Variants in CNGB1 observed in about 807,000 individuals in gnomAD.
CNGB1 encodes cyclic nucleotide-gated channel beta-1.
CNGB1 carries 126 observed loss-of-function variants against 151.7 expected under a neutral mutation model. The observed-to-expected ratio is 0.83, with a 90% CI of 0.72 to 0.96. The LOEUF (loss-of-function observed/expected upper bound fraction) is 0.96. Among genes scored for constraint, CNGB1 ranks in the 40% least tolerant of loss-of-function variants. The probability of loss-of-function intolerance (pLI) is 0.00; values close to 1 mark genes in which losing one functional copy is unlikely to be tolerated. For synonymous variants in CNGB1, 623 were observed against 635.1 expected (o/e 0.98, Z 0.29); for missense variants, 1,698 against 1,627.0 (o/e 1.04, Z -0.75).
chr16:57,945,024 A>T (rs986452456), intron 14 of CNGB1, among the ~76,000 whole-genome samples: 1 of 151,958 alleles, frequency 6.6e-6, no homozygotes, highest in Admixed American at 6.6e-5. Context: ...GGAAAAAAAA[A>T]CTCAAATCTC....
rs572844407 is a variant in CNGB1 at position 57,949,836 on chromosome 16, A to G, written c.1035-397T>C. Among the ~76,000 whole-genome samples the G allele has an allele frequency of 1.6e-4, 24 of 152,344 alleles. No homozygotes were observed. The East Asian group carries it at 4.4e-3, about 28-fold the overall frequency. On this transcript the variant is annotated intron_variant, in intron 13 of 32. Coordinates refer to ENST00000251102, the MANE Select transcript of CNGB1 (RefSeq NM_001297.5). ...TTGGCAATCATGACCACAATTCCAC[A>G]TTCCCATGACCAATGACCCAGCAAT...
At chr16:57,928,698 C>T (rs1397589702) in intron 17 of CNGB1, among the ~76,000 whole-genome samples, 1 of 152,146 alleles carries the variant, frequency 6.6e-6, no homozygotes, top group East Asian at 1.9e-4. Context: ...AATGCAATGG[C>T]ATGATCTTGG....
intron 2 of CNGB1, 92 bp downstream of exon 2, chr16:57,967,036 G>A: frequency 1.3e-6 from 2 of 1,575,736 alleles, no homozygotes; most frequent in Non-Finnish European, 1.7e-6. Context: ...AACCTTTTCT[G>A]CTGTAGAAAG....
chr16:57,934,085 A>G (rs1961439387), intron 16 of CNGB1, among the ~76,000 whole-genome samples: 2 of 152,010 alleles, frequency 1.3e-5, no homozygotes, highest in Admixed American at 6.6e-5. Context: ...AATTGCTTAC[A>G]CTTACTCTAT....
At chr16:57,949,231 G>A (rs1404728846) in intron 14 of CNGB1, 122 bp downstream of exon 14, 14 of 1,566,016 alleles carry the variant, frequency 8.9e-6, no homozygotes, top group South Asian at 1.1e-5. Context: ...TCAAAGCCCA[G>A]CCTTACACAG....
At chr16:57,917,553 GT>G in intron 20 of CNGB1, 77 bp from the exon 21 acceptor site, 1 of 1,428,336 alleles carries the variant, frequency 7.0e-7, no homozygotes, top group East Asian at 2.3e-5. Context: ...GTAGGGTTTT[GT>G]TCTTTCTACT....
intron 16 of CNGB1, among the ~76,000 whole-genome samples, chr16:57,936,013 C>T (rs570053106): frequency 2.6e-5 from 4 of 152,276 alleles, no homozygotes; most frequent in African/African-American, 9.6e-5. Flanking sequence ...TGCACCGTGT[C>T]AACCACAAAT....
chr16:57,944,134 T>A (rs1961742222), intron 14 of CNGB1, among the ~76,000 whole-genome samples: 2 of 152,070 alleles, frequency 1.3e-5, no homozygotes, highest in Admixed American at 6.6e-5. Context: ...GTGATCCACC[T>A]GCCTCAGCCT....
At chr16:57,958,944 T>A (rs2149385908) in intron 10 of CNGB1, among the ~76,000 whole-genome samples, 1 of 145,434 alleles carries the variant, frequency 6.9e-6, no homozygotes, top group South Asian at 2.2e-4. Context: ...TTTTTTTTAA[T>A]TTTTTGTAGA....
At chr16:57,897,995 G>A in intron 29 of CNGB1, 81 bp from the exon 30 acceptor site, 3 of 1,467,668 alleles carry the variant, frequency 2.0e-6, no homozygotes, top group Admixed American at 1.7e-5. Context: ...CCAGAGGCTG[G>A]AGGTCCGGCA....
At position 57,967,143 on chromosome 16, in the gene CNGB1, T is replaced by A; in HGVS notation, c.144A>T (p.Thr48=). 6.2e-7 allele frequency: 1 copy of A among 1,614,224 alleles called. No homozygotes were observed. Among genetic ancestry groups the A allele is most frequent in the African/African-American group, 1.3e-5 (1 of 75,056 alleles). ...TACCTCTCACCATGGACTCGGACTCTGTCTCGGCCTCCTCAGGATTCGGTT... is the reference window on the plus strand; with the variant it reads ...TACCTCTCACCATGGACTCGGACTCAGTCTCGGCCTCCTCAGGATTCGGTT... ...EPEPNPEEAE[T]ESESMPPEES... The change falls in exon 2 of 33, where the codon ACA becomes ACT. Residue 48 remains threonine (T), a synonymous_variant. Transcript: ENST00000251102.
chr16:57,927,252 G>A (rs1248847779), intron 17 of CNGB1, among the ~76,000 whole-genome samples: 2 of 152,234 alleles, frequency 1.3e-5, no homozygotes, highest in African/African-American at 2.4e-5. Flanking sequence ...TACAAGTGAT[G>A]CTCTGGGATT....
At chr16:57,916,212 C>T (rs766675505) in intron 21 of CNGB1, 33 bp from the exon 22 acceptor site, 4 of 1,599,820 alleles carry the variant, frequency 2.5e-6, no homozygotes. Context: ...GGTGAAATGA[C>T]CTTACAGCTT....
At chr16:57,952,493 CTTTTTT>C (rs10598722) in intron 12 of CNGB1, among the ~76,000 whole-genome samples, 7 of 62,144 alleles carry the variant, frequency 1.1e-4, no homozygotes, top group South Asian at 9.4e-4. Context: ...CAAGCATTTC[CTTTTTT>C]TTTTTTTTTT....
intron 18 of CNGB1, among the ~76,000 whole-genome samples, chr16:57,921,517 C>A (rs187945962): frequency 5.3e-5 from 8 of 152,102 alleles, no homozygotes; most frequent in Non-Finnish European, 8.8e-5. Flanking sequence ...ACACCGTGCC[C>A]GGCCAAGTGT....
chr16:57,917,237 G>C (rs1419050815), intron 21 of CNGB1, 31 bp downstream of exon 21: 4 of 1,592,570 alleles, frequency 2.5e-6, no homozygotes, highest in South Asian at 1.1e-5. Flanking sequence ...TCTGCCCCCG[G>C]TCACCCCAAC....
chr16:57,882,785 TTTTTTTC>T lies in CNGB1; in HGVS notation c.*1372_*1378del, dbSNP rs1343293882. On this transcript the variant is annotated 3_prime_UTR_variant, in exon 33 of 33. Transcript: ENST00000251102. ...ATTCCCTGAATGACCCTTTTTTCTT[TTTTTTTC>T]TTTTTTCTTTTTTTTTTTTTGTCTG... The T allele has an allele frequency of 2.0e-5, 3 of 146,926 alleles. No individual in the cohort carries two copies. Among genetic ancestry groups the T allele is most frequent in the Non-Finnish European group, 4.5e-5 (3 of 67,074 alleles). 9.1% of individuals were successfully genotyped at this position (146,926 alleles called of 1,614,324 possible).
intron 31 of CNGB1, among the ~76,000 whole-genome samples, chr16:57,893,519 C>A (rs1567363715): frequency 1.3e-5 from 2 of 152,036 alleles, no homozygotes; most frequent in Non-Finnish European, 2.9e-5. Context: ...AGCAGCAGGC[C>A]AGGCACAGTG....
intron 16 of CNGB1, among the ~76,000 whole-genome samples, chr16:57,938,081 G>C (rs754420939): frequency 6.6e-6 from 1 of 152,192 alleles, no homozygotes; most frequent in Non-Finnish European, 1.5e-5. Flanking sequence ...CAGCTCCTGG[G>C]TTACGCCAAA....
Sources: allele counts gnomAD v4.1 joint callset (sites outside exome capture counted in the v4.1 genomes callset), GRCh38; gene constraint gnomAD v4.1.1; transcripts MANE v1.5; gene names NCBI Gene and HGNC (gene_info 2026-07-23, HGNC 2026-07-21).